The following DNAH5 variants were observed in gnomAD, a reference collection of about 807,000 sequenced individuals.
DNAH5 encodes dynein axonemal heavy chain 5.
In DNAH5, 372 loss-of-function variants were observed where a neutral mutation model predicts 518.2. That is an observed-to-expected ratio of 0.72 (90% CI 0.66 to 0.78). The LOEUF (loss-of-function observed/expected upper bound fraction) is 0.78, where lower values mean the gene tolerates loss of function less well. Ranked by LOEUF, DNAH5 falls within the 30% of genes least tolerant of loss-of-function variation. The probability of loss-of-function intolerance (pLI) is 0.00; values close to 1 mark genes in which losing one functional copy is unlikely to be tolerated. For missense variants in DNAH5, 5,523 were observed against 5,687.0 expected (o/e 0.97, Z 0.93); for synonymous variants, 2,039 against 2,025.9 (o/e 1.01, Z -0.17).
intron 24 of DNAH5, among the ~76,000 whole-genome samples, chr5:13,868,392 A>C (rs958011469): frequency 6.6e-6 from 1 of 152,216 alleles, no homozygotes; most frequent in Non-Finnish European, 1.5e-5. Context: ...TAACAAAATC[A>C]ATCAGGGTTT....
chr5:13,819,195 A>T (rs982623721), intron 41 of DNAH5, among the ~76,000 whole-genome samples: 2 of 152,222 alleles, frequency 1.3e-5, no homozygotes, highest in African/African-American at 4.8e-5. Context: ...TGAGAGGAAG[A>T]ACACAATTAT....
chr5:13,974,121 A>T (rs1782063516), intron 1 of DNAH5, among the ~76,000 whole-genome samples: 2 of 150,574 alleles, frequency 1.3e-5, no homozygotes, highest in Admixed American at 6.6e-5. Context: ...TCTTTATTTT[A>T]ATTAGTTTTT....
rs1433215311 is a variant in DNAH5 at position 13,885,109 on chromosome 5, C to T, written c.2863G>A (p.Ala955Thr). 4 of 1,614,118 alleles carry T rather than the reference C, an allele frequency of 2.5e-6. No individual in the cohort carries two copies. The Admixed American group carries it at 5.0e-5, about 20-fold the overall frequency. Residue 955 changes from alanine (A) to threonine (T), a missense_variant, in exon 19 of 79, where the codon GCC becomes ACC. By Grantham distance (58) the Ala-to-Thr change is moderately conservative. This residue lies in a region of DNAH5 where 5,121 missense variants were observed against 5,223.3 expected (regional missense o/e 0.98). Transcript: ENST00000265104. ...KKETEMLGEE[A>T]RELLSHFNHQ... is the part of the protein sequence containing the mutation. Reference sequence around the variant, plus strand: ...TTGAAATGAGAGAGTAACTCGCGGGCTTCTTCCCCTAACATCTCAGTTTCT... The same window carrying T: ...TTGAAATGAGAGAGTAACTCGCGGGTTTCTTCCCCTAACATCTCAGTTTCT...
At chr5:13,916,925 AATAG>A (rs2151986314) in intron 8 of DNAH5, among the ~76,000 whole-genome samples, 4 of 152,330 alleles carry the variant, frequency 2.6e-5, no homozygotes, top group African/African-American at 9.6e-5. Flanking sequence ...ATACATCTTC[AATAG>A]ATAGGAGGTA....
rs1410596800 is a variant in DNAH5, at chr5:13,870,805, C to T, written c.3796G>A (p.Glu1266Lys). The change falls in exon 24 of 79, where the codon GAG (glutamate) becomes AAG (lysine). Residue 1266 changes from glutamate to lysine, a missense_variant. This residue lies in a region of DNAH5 where 5,121 missense variants were observed against 5,223.3 expected (regional missense o/e 0.98). Transcript: ENST00000265104. The part of the protein sequence containing the change: ...AMAALKEIRE[E>K]QISIDFQVGP... ...ACTTGAAAGTCAATGGAGATTTGCT[C>T]CTCCCTTATTTCTTTCAGCGCTGCC... is the stretch of plus-strand genomic sequence containing the variant. 3.7e-6 allele frequency: 6 copies of T among 1,613,546 alleles called. No individual in the cohort carries two copies. Among genetic ancestry groups the T allele is most frequent in the Non-Finnish European group, 5.1e-6 (6 of 1,179,776 alleles).
At chr5:13,904,008 G>T (rs1247104426) in intron 12 of DNAH5, among the ~76,000 whole-genome samples, 1 of 151,880 alleles carries the variant, frequency 6.6e-6, no homozygotes, top group Non-Finnish European at 1.5e-5. Context: ...TAGCAGCAAA[G>T]GTAAAACTAA....
chr5:13,922,348 T>C lies in DNAH5; in HGVS notation c.439-20A>G. ...CACCTCCTGGAAAACAGGCAGGAGATCTTTTATTGTAAAAATCATCCTCAA... is the reference window on the plus strand; with the variant it reads ...CACCTCCTGGAAAACAGGCAGGAGACCTTTTATTGTAAAAATCATCCTCAA... On this transcript the variant is annotated intron_variant, in intron 4 of 78. Transcript: ENST00000265104. The C allele has an allele frequency of 1.2e-6, 2 of 1,601,240 alleles. No homozygotes were observed. The highest frequency in any genetic ancestry group is 2.2e-5 in the South Asian group (2 of 89,774).
chr5:13,865,582 G>T, intron 27 of DNAH5, 86 bp downstream of exon 27: 1 of 835,978 alleles, frequency 1.2e-6, no homozygotes, highest in Non-Finnish European at 2.1e-6. Context: ...TGAAATAGCT[G>T]GGGTGAAAAG....
intron 77 of DNAH5, 85 bp from the exon 78 acceptor site, chr5:13,700,956 G>T: frequency 7.3e-7 from 1 of 1,378,390 alleles, no homozygotes; most frequent in Non-Finnish European, 1.0e-6. Context: ...GCTTGGCTCC[G>T]AATCACTCTA....
At chr5:13,896,929 G>T (rs555260666) in intron 15 of DNAH5, among the ~76,000 whole-genome samples, 11 of 151,316 alleles carry the variant, frequency 7.3e-5, no homozygotes, top group Non-Finnish European at 1.2e-4. Context: ...GATAATAGAT[G>T]AATGTTTTCC....
At position 13,776,589 on chromosome 5, in the gene DNAH5, T is replaced by C; in HGVS notation, c.9223A>G (p.Met3075Val). 4 of 1,613,922 alleles carry C rather than the reference T, an allele frequency of 2.5e-6. No homozygotes were observed. The highest frequency in any genetic ancestry group is 3.4e-6 in the Non-Finnish European group (4 of 1,179,846). The part of the protein sequence containing the change: ...PTNENLHDYF[M>V]SRVRQNLHIV... ...TGAAGGTTCTGTCGGACCCGACTCA[T>C]GAAGTAGTCGTGCAGGTTCTCATTG... Residue 3075 changes from methionine (M) to valine (V), a missense_variant, in exon 55 of 79, where the codon ATG (methionine) becomes GTG (valine). Transcript: ENST00000265104.
intron 35 of DNAH5, among the ~76,000 whole-genome samples, chr5:13,835,437 TG>T (rs2151848488): frequency 6.6e-6 from 1 of 152,306 alleles, no homozygotes; most frequent in East Asian, 1.9e-4. Flanking sequence ...CGGCAAGCTT[TG>T]ATATGCAAAT....
At chr5:13,829,116 A>AG (rs1561369892) in intron 38 of DNAH5, among the ~76,000 whole-genome samples, 1 of 152,242 alleles carries the variant, frequency 6.6e-6, no homozygotes, top group African/African-American at 2.4e-5. Context: ...TAAACAAGAC[A>AG]GTTAGTAAAC....
chr5:13,750,977 G>T, intron 65 of DNAH5, 101 bp downstream of exon 65: 1 of 1,302,258 alleles, frequency 7.7e-7, no homozygotes, highest in South Asian at 1.3e-5. Context: ...GGAATAAAAG[G>T]AGAGAAACTC....
At chr5:13,737,806 A>G (rs958212369) in intron 65 of DNAH5, among the ~76,000 whole-genome samples, 1 of 152,154 alleles carries the variant, frequency 6.6e-6, no homozygotes, top group African/African-American at 2.4e-5. Flanking sequence ...GCATACCTGT[A>G]GTCCCAGCAC....
intron 41 of DNAH5, 125 bp downstream of exon 41, chr5:13,820,221 T>C: frequency 9.9e-7 from 1 of 1,009,392 alleles, no homozygotes. Flanking sequence ...CAATAATTAA[T>C]AAAGCAGTAT....
chr5:13,975,252 G>A (rs992062727), intron 1 of DNAH5, among the ~76,000 whole-genome samples: 3 of 152,126 alleles, frequency 2.0e-5, no homozygotes, highest in African/African-American at 7.2e-5. Flanking sequence ...AAGCAAAACG[G>A]GTTTTTCCTA....
chr5:13,827,135 T>C (rs1007807490), intron 38 of DNAH5, among the ~76,000 whole-genome samples: 3 of 152,068 alleles, frequency 2.0e-5, no homozygotes, highest in African/African-American at 7.2e-5. Context: ...TAATTTAGGG[T>C]ATCTGGTGGA....
At chr5:13,765,210 CT>C (rs1001652807) in intron 59 of DNAH5, among the ~76,000 whole-genome samples, 2 of 151,246 alleles carry the variant, frequency 1.3e-5, no homozygotes, top group Non-Finnish European at 3.0e-5. Flanking sequence ...CTTTTTTTTT[CT>C]TTTTTTTGTT....
Sources: allele counts gnomAD v4.1 joint callset (sites outside exome capture counted in the v4.1 genomes callset), GRCh38; gene constraint gnomAD v4.1.1; regional missense constraint gnomAD v4.1.1; transcripts MANE v1.5; gene names NCBI Gene and HGNC (gene_info 2026-07-23, HGNC 2026-07-21).